ST3GAL1: variants seen among roughly 807,000 people sequenced by gnomAD.
The protein encoded by ST3GAL1 is ST3 beta-galactoside alpha-2,3-sialyltransferase 1, also known as CMP-N-acetylneuraminate-beta-galactosamide-alpha-2,3-sialyltransferase 1.
Under a neutral mutation model 34.1 loss-of-function variants are expected in ST3GAL1, and 16 were observed. That is an observed-to-expected ratio of 0.47 (90% CI 0.32 to 0.71). The LOEUF (loss-of-function observed/expected upper bound fraction) is 0.71, where lower values mean the gene tolerates loss of function less well. ST3GAL1 is among the 30% of genes least tolerant of loss of function. ST3GAL1 has a pLI of 0.04. For missense variants in ST3GAL1, 353 were observed against 447.4 expected, an observed-to-expected ratio of 0.79 and a Z score of 1.90; for synonymous variants, 191 against 184.7, an observed-to-expected ratio of 1.03 and a Z score of -0.28.
At chr8:133,549,456 G>A (rs1168897818) in intron 1 of ST3GAL1, among the ~76,000 whole-genome samples, 1 of 151,904 alleles carries the variant, frequency 6.6e-6, no homozygotes. Flanking sequence ...TAAACATGGA[G>A]CCCTGCTCTG....
intron 2 of ST3GAL1, among the ~76,000 whole-genome samples, chr8:133,521,141 T>G (rs1817795411): frequency 1.7e-5 from 1 of 57,424 alleles, no homozygotes; most frequent in Non-Finnish European, 3.6e-5. Context: ...GTGGGTTGTT[T>G]TTTTTTTTTT....
intron 2 of ST3GAL1, among the ~76,000 whole-genome samples, chr8:133,521,443 C>T (rs567624786): frequency 9.2e-5 from 14 of 152,264 alleles, no homozygotes; most frequent in Admixed American, 5.2e-4. Flanking sequence ...GGATTACAGG[C>T]GCCTGCCACC....
At chr8:133,541,065 ATAG>A (rs1818500459) in intron 2 of ST3GAL1, among the ~76,000 whole-genome samples, 62 of 56,538 alleles carry the variant, frequency 1.1e-3, no homozygotes, top group Middle Eastern at 9.4e-3. Flanking sequence ...ACATATATAT[ATAG>A]ACATATATAT....
rs545561064 is a variant in ST3GAL1, at chr8:133,560,453, G to C, written c.-582+11240C>G. On this transcript the variant is annotated intron_variant, in intron 1 of 9. Coordinates refer to ENST00000522652, the MANE Select transcript of ST3GAL1 (RefSeq NM_173344.3). ...CGGACTCACCCAGTGATGGTGAATC[G>C]GGGAGAAGACTCAGAGCCCCAGGCT... Among the ~76,000 whole-genome samples, 76 of 152,350 alleles carry C rather than the reference G, an allele frequency of 5.0e-4. 1 individual carries two copies. Among genetic ancestry groups the C allele is most frequent in the African/African-American group, 1.8e-3 (73 of 41,588 alleles).
intron 3 of ST3GAL1, among the ~76,000 whole-genome samples, chr8:133,481,146 GT>G (rs1276110714): frequency 6.6e-6 from 1 of 152,200 alleles, no homozygotes; most frequent in Non-Finnish European, 1.5e-5. Flanking sequence ...GGCAGGCCTG[GT>G]TGCTGTTTGT....
At chr8:133,475,241 C>T (rs545502361) in intron 5 of ST3GAL1, among the ~76,000 whole-genome samples, 1 of 152,264 alleles carries the variant, frequency 6.6e-6, no homozygotes, top group Admixed American at 6.5e-5. Flanking sequence ...GAACGCCCAG[C>T]ACTGCCGGCA....
At chr8:133,498,862 C>A (rs1194003620) in intron 3 of ST3GAL1, among the ~76,000 whole-genome samples, 1 of 152,204 alleles carries the variant, frequency 6.6e-6, no homozygotes, top group Non-Finnish European at 1.5e-5. Flanking sequence ...CTACAGTGAG[C>A]TCGATCCTGA....
intron 2 of ST3GAL1, among the ~76,000 whole-genome samples, chr8:133,500,033 T>C (rs904583127): frequency 5.9e-5 from 9 of 152,116 alleles, no homozygotes; most frequent in Non-Finnish European, 8.8e-5. Flanking sequence ...AGAGAAGTGG[T>C]GTTGTCATTG....
At chr8:133,562,834 C>CTT (rs1393559347) in intron 1 of ST3GAL1, among the ~76,000 whole-genome samples, 25 of 96,714 alleles carry the variant, frequency 2.6e-4, no homozygotes, top group African/African-American at 1.4e-3. Flanking sequence ...TCCTTCCTTC[C>CTT]TTCCTTCCTT....
chr8:133,510,915 C>G (rs1180689374), intron 2 of ST3GAL1, among the ~76,000 whole-genome samples: 1 of 152,208 alleles, frequency 6.6e-6, no homozygotes, highest in African/African-American at 2.4e-5. Flanking sequence ...CTGCGGCGGC[C>G]AATCTTTGGC....
chr8:133,460,355 C>G (rs1376152076), intron 9 of ST3GAL1, among the ~76,000 whole-genome samples: 3 of 152,216 alleles, frequency 2.0e-5, no homozygotes, highest in Middle Eastern at 3.2e-3. Flanking sequence ...CTCTGCCACT[C>G]CGTGGTGCCC....
chr8:133,547,431 G>A (rs564491081), intron 1 of ST3GAL1, among the ~76,000 whole-genome samples: 1 of 152,208 alleles, frequency 6.6e-6, no homozygotes, highest in South Asian at 2.1e-4. Flanking sequence ...ATCACACCAG[G>A]CTAATTATTT....
rs1817406166 is a variant in ST3GAL1, at chr8:133,508,401, A to C, written c.-428-9212T>G. 6.6e-6 allele frequency among the ~76,000 whole-genome samples: 1 copy of C among 152,094 alleles called. No homozygotes were observed. Among genetic ancestry groups the C allele is most frequent in the South Asian group, 2.1e-4 (1 of 4,826 alleles). On this transcript the variant is annotated intron_variant, in intron 2 of 9. Coordinates refer to ENST00000522652, the MANE Select transcript of ST3GAL1 (RefSeq NM_173344.3). This position sits in a 1 kb window ranked among gnomAD's most constrained non-coding sequence, Gnocchi z 4.1. ...TGGGGTTGGCCGTGGGATCAGGCTGAAGGTTGACTCTAGCTGGGAGCACAT... is the reference window on the plus strand; with the variant it reads ...TGGGGTTGGCCGTGGGATCAGGCTGCAGGTTGACTCTAGCTGGGAGCACAT...
intron 2 of ST3GAL1, among the ~76,000 whole-genome samples, chr8:133,538,015 A>G (rs1337990715): frequency 1.3e-5 from 2 of 152,074 alleles, no homozygotes; most frequent in Admixed American, 6.5e-5. Flanking sequence ...CACATGAGAC[A>G]ATAGGGGCAG....
rs1178545038 is a variant in ST3GAL1 at position 133,544,522 on chromosome 8, C to T, written c.-429+1252G>A. Among the ~76,000 whole-genome samples, 3 of 152,166 alleles carry T rather than the reference C, an allele frequency of 2.0e-5. No individual in the cohort carries two copies. In the South Asian group the frequency reaches 6.2e-4, roughly 32 times the overall value. On this transcript the variant is annotated intron_variant, in intron 2 of 9. Transcript: ENST00000522652. ...CTCATTCTTCTAAGACTCACACATG[C>T]CACATCTTCAGCTCATTTTCTTCCT...
In ST3GAL1 at chr8:133,469,947, C is replaced by A. The variant is rs2736874; in HGVS notation, c.307-3857G>T. On this transcript the variant is annotated intron_variant, in intron 5 of 9. Coordinates refer to ENST00000522652, the MANE Select transcript of ST3GAL1 (RefSeq NM_173344.3). This position sits in a 1 kb window ranked among gnomAD's most constrained non-coding sequence, Gnocchi z 4.3. ...CCCTGGAAAGGGCTCACTTGAGGTC[C>A]CAGAGTGAGTGCAGGGCCAGGTAGA... 0.82 allele frequency among the ~76,000 whole-genome samples: 125,449 copies of A among 152,246 alleles called. 52,468 individuals are homozygous for A. The highest frequency in any genetic ancestry group is 0.99 in the East Asian group (5,118 of 5,190).
In ST3GAL1 at chr8:133,455,716, T is replaced by C. The variant is rs562209727; in HGVS notation, c.*4048A>G. 6.6e-6 allele frequency: 1 copy of C among 152,462 alleles called. No individual in the cohort carries two copies. The highest frequency in any genetic ancestry group is 6.5e-5 in the Admixed American group (1 of 15,308). The allele number at this position is 152,462 out of a possible 1,614,324, so 9.4% of individuals were successfully genotyped here. Reference sequence around the variant, plus strand: ...TGCATGGCTGGTGTCCAGTCATCTTTAGCTGGGCAGTGGCCCCTCGAGGCT... The same window carrying C: ...TGCATGGCTGGTGTCCAGTCATCTTCAGCTGGGCAGTGGCCCCTCGAGGCT... On this transcript the variant is annotated 3_prime_UTR_variant, in exon 10 of 10. Coordinates refer to ENST00000522652, the MANE Select transcript of ST3GAL1 (RefSeq NM_173344.3).
At chr8:133,520,259 C>T (rs1028883966) in intron 2 of ST3GAL1, among the ~76,000 whole-genome samples, 2 of 152,210 alleles carry the variant, frequency 1.3e-5, no homozygotes, top group African/African-American at 4.8e-5. Context: ...GAGCCGGGGA[C>T]AACTCGCAGC....
At chr8:133,544,082 C>T (rs192045809) in intron 2 of ST3GAL1, 38 of 152,358 alleles carry the variant, frequency 2.5e-4, no homozygotes, top group African/African-American at 8.2e-4. Flanking sequence ...GGAGTCTCTG[C>T]TTTGTTCTTG....
Sources: gnomAD v4.1 joint callset for allele counts (sites outside exome capture counted in the v4.1 genomes callset) on GRCh38, gnomAD v4.1.1 for gene constraint, Gnocchi (gnomAD v3.1) non-coding constraint, MANE v1.5 for transcripts, NCBI Gene and HGNC (gene_info 2026-07-23, HGNC 2026-07-21) for gene names.